BACH2: variants seen among roughly 807,000 people sequenced by gnomAD.
The protein encoded by BACH2 is BACH transcriptional regulator 2.
In BACH2, 5 loss-of-function variants were observed where a neutral mutation model predicts 61.8. That is an observed-to-expected ratio of 0.08 (90% CI 0.04 to 0.17). The LOEUF is 0.17. BACH2 is among the 10% of genes least tolerant of loss of function. The pLI, the probability that BACH2 is intolerant of heterozygous loss-of-function variation, is 1.00. For synonymous variants in BACH2, 446 were observed against 440.1 expected, an observed-to-expected ratio of 1.01 and a Z score of -0.17; for missense variants, 824 against 1,091.1, an observed-to-expected ratio of 0.76 and a Z score of 3.45.
intron 3 of BACH2, among the ~76,000 whole-genome samples, chr6:90,231,242 C>CAT (rs1241901432): frequency 2.0e-5 from 3 of 152,158 alleles, no homozygotes; most frequent in African/African-American, 7.2e-5. Context: ...TAGAGATAGG[C>CAT]ATATATAAAT....
At position 89,931,609 on chromosome 6, in the gene BACH2, A is replaced by G. The variant is rs929081624; in HGVS notation, c.*799T>C. The G allele has an allele frequency of 1.3e-5, 2 of 152,676 alleles. No individual in the cohort carries two copies. Among genetic ancestry groups the G allele is most frequent in the African/African-American group, 2.4e-5 (1 of 41,460 alleles). The allele number at this position is 152,676 out of a possible 1,614,324, so 9.5% of individuals were successfully genotyped here. A position where few individuals can be genotyped will look rare whatever the true frequency, so the allele number is the denominator to read the frequency against. The stretch of plus-strand genomic sequence containing the variant: ...TGCAAGGAAAACAAAAACAAAAACA[A>G]AAACAAACAAAACCCCCCAAACAAA... On this transcript the variant is annotated 3_prime_UTR_variant, in exon 9 of 9. Coordinates refer to ENST00000257749, the MANE Select transcript of BACH2 (RefSeq NM_021813.4).
chr6:90,182,667 A>G (rs75357633), intron 4 of BACH2, among the ~76,000 whole-genome samples: 15,425 of 152,252 alleles, frequency 0.1, 915 homozygotes, highest in South Asian at 0.17. Flanking sequence ...ATTAATTCAC[A>G]AGGTAAATAA....
At chr6:90,110,547 T>C (rs1163320359) in intron 4 of BACH2, among the ~76,000 whole-genome samples, 1 of 152,238 alleles carries the variant, frequency 6.6e-6, no homozygotes, top group African/African-American at 2.4e-5. Flanking sequence ...AAGTCCTTAA[T>C]GTATTGGGAA....
At chr6:89,933,493 G>A (rs4707582) in intron 8 of BACH2, among the ~76,000 whole-genome samples, 10,459 of 151,822 alleles carry the variant, frequency 0.069, 711 homozygotes, top group East Asian at 0.2. Flanking sequence ...CATAGAACGT[G>A]CAACACCGAG....
chr6:90,261,062 G>T (rs982352157), intron 2 of BACH2, among the ~76,000 whole-genome samples: 4 of 152,176 alleles, frequency 2.6e-5, no homozygotes, highest in African/African-American at 9.7e-5. Flanking sequence ...TGGGCCATCA[G>T]TCAACTACGC....
chr6:89,965,766 G>A (rs572405342), intron 6 of BACH2, among the ~76,000 whole-genome samples: 3 of 152,138 alleles, frequency 2.0e-5, no homozygotes, highest in Non-Finnish European at 2.9e-5. Flanking sequence ...CAGATCACAC[G>A]TCTCTTATGG....
chr6:90,234,640 A>G (rs1172512737), intron 3 of BACH2, among the ~76,000 whole-genome samples: 1 of 152,244 alleles, frequency 6.6e-6, no homozygotes, highest in Non-Finnish European at 1.5e-5. Flanking sequence ...ATAGTTTAGA[A>G]TTAAATAAAA....
At chr6:90,122,852 G>T (rs1022092198) in intron 4 of BACH2, among the ~76,000 whole-genome samples, 37 of 152,260 alleles carry the variant, frequency 2.4e-4, no homozygotes, top group East Asian at 5.8e-4. Context: ...CATGGCAATG[G>T]TTCTATTTTT....
intron 3 of BACH2, among the ~76,000 whole-genome samples, chr6:90,247,004 T>G (rs1770657193): frequency 6.6e-6 from 1 of 152,176 alleles, no homozygotes; most frequent in South Asian, 2.1e-4. Context: ...ATCAAGTTTT[T>G]GATATTACAA....
At chr6:90,064,476 G>T (rs896667050) in intron 5 of BACH2, among the ~76,000 whole-genome samples, 2 of 152,196 alleles carry the variant, frequency 1.3e-5, no homozygotes, top group African/African-American at 4.8e-5. Context: ...CTTGCTCTAG[G>T]ATATTAGAGA....
chr6:90,269,772 T>A (rs959511094), intron 2 of BACH2, among the ~76,000 whole-genome samples: 3 of 152,226 alleles, frequency 2.0e-5, no homozygotes, highest in African/African-American at 7.2e-5. Flanking sequence ...GTTCATAAGA[T>A]GCTTAGAAAT....
intron 3 of BACH2, among the ~76,000 whole-genome samples, chr6:90,217,250 T>C (rs1038470807): frequency 6.6e-6 from 1 of 152,158 alleles, no homozygotes; most frequent in Non-Finnish European, 1.5e-5. Flanking sequence ...CTATCAAAAT[T>C]CAGTGGTAGC....
intron 3 of BACH2, among the ~76,000 whole-genome samples, chr6:90,209,776 C>T (rs187930397): frequency 9.2e-5 from 14 of 152,254 alleles, no homozygotes; most frequent in South Asian, 4.1e-4. Flanking sequence ...TTCCTGCCCC[C>T]GCCCCAACTG....
chr6:90,056,656 C>A (rs1562406874), intron 5 of BACH2, among the ~76,000 whole-genome samples: 1 of 152,144 alleles, frequency 6.6e-6, no homozygotes, highest in African/African-American at 2.4e-5. Flanking sequence ...CACCCCAAAT[C>A]AACAGAATAT....
intron 4 of BACH2, among the ~76,000 whole-genome samples, chr6:90,122,609 A>G (rs1783678127): frequency 6.6e-6 from 1 of 152,220 alleles, no homozygotes; most frequent in African/African-American, 2.4e-5. Context: ...TTCTACTGAG[A>G]CATTAGTTTT....
At chr6:90,085,460 C>A (rs1337891332) in intron 5 of BACH2, among the ~76,000 whole-genome samples, 1 of 152,154 alleles carries the variant, frequency 6.6e-6, no homozygotes, top group African/African-American at 2.4e-5. Context: ...TGGAGCAGCC[C>A]CACTGCTGGA....
intron 3 of BACH2, among the ~76,000 whole-genome samples, chr6:90,247,751 T>A (rs1770684114): frequency 6.6e-6 from 1 of 152,284 alleles, no homozygotes; most frequent in Non-Finnish European, 1.5e-5. Context: ...TGTCTTCCCA[T>A]CTCCATGCCT....
rs563211108 is a variant in BACH2 at position 90,203,417 on chromosome 6, G to C, written c.-162+3152C>G. 4.9e-3 allele frequency among the ~76,000 whole-genome samples: 614 copies of C among 124,974 alleles called. 7 individuals carry two copies. Among genetic ancestry groups the C allele is most frequent in the African/African-American group, 0.018 (590 of 32,700 alleles). The allele number at this position is 124,974 out of a possible 152,430, so 82.0% of individuals were successfully genotyped here. A position where few individuals can be genotyped will look rare whatever the true frequency, so the allele number is the denominator to read the frequency against. ...AAAAAAAAAAAAAAAAAAAAAAAAA[G>C]AGTTAAATTCTAATTATGAAGTTTT... On this transcript the variant is annotated intron_variant, in intron 4 of 8. Coordinates refer to ENST00000257749, the MANE Select transcript of BACH2 (RefSeq NM_021813.4).
intron 3 of BACH2, among the ~76,000 whole-genome samples, chr6:90,233,860 G>C (rs1012569335): frequency 6.6e-6 from 1 of 152,144 alleles, no homozygotes; most frequent in Non-Finnish European, 1.5e-5. Flanking sequence ...ATGGACCAGG[G>C]ACAAGATAGC....
Sources: gnomAD v4.1 joint callset for allele counts (sites outside exome capture counted in the v4.1 genomes callset) on GRCh38, gnomAD v4.1.1 for gene constraint, MANE v1.5 for transcripts, NCBI Gene and HGNC (gene_info 2026-07-23, HGNC 2026-07-21) for gene names.